Variants in GPHN observed in about 807,000 individuals in gnomAD.
GPHN encodes the protein gephyrin.
A neutral mutation model predicts 95.5 loss-of-function variants in GPHN; 17 were observed. That is an observed-to-expected ratio of 0.18 (90% CI 0.12 to 0.27). The LOEUF (loss-of-function observed/expected upper bound fraction) is 0.27. Among genes scored for constraint, GPHN ranks in the 10% least tolerant of loss-of-function variants. The pLI, the probability that GPHN is intolerant of heterozygous loss-of-function variation, is 1.00. For synonymous variants in GPHN, 320 were observed against 322.5 expected, an observed-to-expected ratio of 0.99 and a Z score of 0.08; for missense variants, 660 against 978.1, an observed-to-expected ratio of 0.67 and a Z score of 4.34.
chr14:67,603,928 G>A, the GPHN span, among the ~76,000 whole-genome samples: 25 of 152,076 alleles, frequency 1.6e-4, no homozygotes, highest in Non-Finnish European at 3.1e-4. Context: ...TGATCTGCCC[G>A]CCTCAACCTC....
chr14:66,527,708 C>G (rs551416814), intron 1 of GPHN, among the ~76,000 whole-genome samples: 1 of 152,232 alleles, frequency 6.6e-6, no homozygotes, highest in South Asian at 2.1e-4. Flanking sequence ...TTATTTCTGC[C>G]TTAATTTCAT....
chr14:66,749,252 A>G (rs1299039848), intron 2 of GPHN, among the ~76,000 whole-genome samples: 1 of 151,968 alleles, frequency 6.6e-6, no homozygotes, highest in Non-Finnish European at 1.5e-5. Flanking sequence ...CTACTGAAGG[A>G]CATCTTCGTT....
intron 2 of GPHN, among the ~76,000 whole-genome samples, chr14:66,701,233 A>G (rs1182561471): frequency 6.6e-6 from 1 of 150,514 alleles, no homozygotes; most frequent in Admixed American, 6.6e-5. Context: ...TCTTACAAAA[A>G]TGTATACTGT....
chr14:67,581,303 C>T, the GPHN span, among the ~76,000 whole-genome samples: 1 of 148,748 alleles, frequency 6.7e-6, no homozygotes, highest in Non-Finnish European at 1.5e-5. Context: ...CACACACAAA[C>T]ATCTGCCAAG....
At chr14:67,312,580 A>T in the GPHN span, 1 of 1,613,392 alleles carries the variant, frequency 6.2e-7, no homozygotes, top group Non-Finnish European at 8.5e-7. Context: ...CTTATGTTCC[A>T]TGTCGAGAGT....
the GPHN span, among the ~76,000 whole-genome samples, chr14:67,716,833 G>A: frequency 0.016 from 2,342 of 149,330 alleles, 75 homozygotes; most frequent in African/African-American, 0.055. Context: ...GCAGTGAGCC[G>A]CTATCACACC....
In GPHN at chr14:66,727,795, C is replaced by T. The variant is rs148519193; in HGVS notation, c.143+46610C>T. On this transcript the variant is annotated intron_variant, in intron 2 of 22. Transcript: ENST00000478722. ...TTGGAAAATTTATAGCCTGACAATGCGATAGAAAAGAAAATCCCATTTTCT... is the reference window on the plus strand; with the variant it reads ...TTGGAAAATTTATAGCCTGACAATGTGATAGAAAAGAAAATCCCATTTTCT... Among the ~76,000 whole-genome samples the T allele has an allele frequency of 3.8e-4, 58 of 152,128 alleles. No individual in the cohort carries two copies. In the East Asian group the frequency reaches 0.01, roughly 28 times the overall value.
At chr14:67,360,308 C>T in the GPHN span, 2 of 398,202 alleles carry the variant, frequency 5.0e-6, no homozygotes, top group Admixed American at 4.4e-5. Context: ...TCAGCGCTTG[C>T]GCATGCGAGG....
chr14:67,051,134 A>G (rs1341622721), intron 10 of GPHN, among the ~76,000 whole-genome samples: 4 of 151,950 alleles, frequency 2.6e-5, no homozygotes, highest in African/African-American at 9.7e-5. Flanking sequence ...GCTGCCAGAG[A>G]TGACTGAGCT....
the GPHN span, chr14:67,383,248 T>C: frequency 1.3e-6 from 2 of 1,531,426 alleles, no homozygotes; most frequent in Admixed American, 3.7e-5. Flanking sequence ...TAGGCAGTAA[T>C]AGTATTGAAA....
the GPHN span, chr14:67,340,266 T>C: frequency 3.5e-6 from 2 of 577,270 alleles, no homozygotes; most frequent in East Asian, 2.9e-5. Flanking sequence ...CATGTAAAAT[T>C]TGACAGATTT....
chr14:67,260,929 C>T, the GPHN span, among the ~76,000 whole-genome samples: 1 of 152,058 alleles, frequency 6.6e-6, no homozygotes, highest in Non-Finnish European at 1.5e-5. Context: ...CAAGTGGAGC[C>T]ATATGAATGT....
the GPHN span, among the ~76,000 whole-genome samples, chr14:67,423,705 T>G: frequency 6.6e-6 from 1 of 151,734 alleles, no homozygotes; most frequent in African/African-American, 2.4e-5. Flanking sequence ...CCAACACAGC[T>G]TCTTCCTTTA....
chr14:66,694,833 C>T (rs1343261456), intron 2 of GPHN, among the ~76,000 whole-genome samples: 2 of 152,120 alleles, frequency 1.3e-5, no homozygotes, highest in African/African-American at 4.8e-5. Context: ...TAAAAATATA[C>T]AAGAACTCCT....
At chr14:66,961,961 A>G (rs1596525823) in intron 8 of GPHN, among the ~76,000 whole-genome samples, 1 of 113,686 alleles carries the variant, frequency 8.8e-6, no homozygotes, top group Non-Finnish European at 2.0e-5. Flanking sequence ...CATATCTCCC[A>G]GAAATTTACT....
At chr14:67,684,601 T>C in the GPHN span, 1 of 153,014 alleles carries the variant, frequency 6.5e-6, no homozygotes, top group East Asian at 1.9e-4. Context: ...TTTTTTTTTT[T>C]TGAGGCGGAG....
chr14:67,207,744 G>C, the GPHN span, among the ~76,000 whole-genome samples: 1 of 152,064 alleles, frequency 6.6e-6, no homozygotes, highest in Non-Finnish European at 1.5e-5. Context: ...GGATTTTAGA[G>C]TATTAAGTTT....
intron 1 of GPHN, among the ~76,000 whole-genome samples, chr14:66,561,698 A>T (rs2060253989): frequency 6.6e-6 from 1 of 152,186 alleles, no homozygotes; most frequent in African/African-American, 2.4e-5. Context: ...ACATTAATTT[A>T]AAAAACAAAA....
intron 2 of GPHN, among the ~76,000 whole-genome samples, chr14:66,767,302 T>C (rs943162003): frequency 6.6e-6 from 1 of 151,996 alleles, no homozygotes; most frequent in African/African-American, 2.4e-5. Context: ...CCTGAATTTC[T>C]TTAATTTTTA....
Sources: allele counts gnomAD v4.1 joint callset (sites outside exome capture counted in the v4.1 genomes callset), GRCh38; gene constraint gnomAD v4.1.1; transcripts MANE v1.5; gene names NCBI Gene and HGNC (gene_info 2026-07-23, HGNC 2026-07-21).